SPINT2: variants seen among roughly 807,000 people sequenced by gnomAD.
SPINT2 encodes the protein serine peptidase inhibitor, Kunitz type 2.
A neutral mutation model predicts 30.1 loss-of-function variants in SPINT2; 18 were observed. That is an observed-to-expected ratio of 0.60 (90% CI 0.41 to 0.89). SPINT2 has a LOEUF of 0.89. Ranked by LOEUF, SPINT2 falls within the 40% of genes least tolerant of loss-of-function variation. The pLI, the probability that SPINT2 is intolerant of heterozygous loss-of-function variation, is 0.00. For synonymous variants in SPINT2, 139 were observed against 137.9 expected, an observed-to-expected ratio of 1.01 and a Z score of -0.05; for missense variants, 276 against 334.3, an observed-to-expected ratio of 0.83 and a Z score of 1.36.
In SPINT2 at chr19:38,291,829, C is replaced by G. The variant is rs751326074; in HGVS notation, c.593-11C>G. ...GCCTGGCCCGTCCTGAGGCCCCTCT[C>G]TCGTCCTCAGTGGTGGTTCTGGCGG... On this transcript the variant is annotated splice_polypyrimidine_tract_variant and intron_variant, in intron 6 of 6. Transcript: ENST00000301244. The G allele has an allele frequency of 1.2e-6, 2 of 1,611,980 alleles. No homozygotes were observed. The highest frequency in any genetic ancestry group is 1.7e-6 in the Non-Finnish European group (2 of 1,179,774).
chr19:38,271,586 C>T (rs1386101034), intron 1 of SPINT2, among the ~76,000 whole-genome samples: 2 of 152,050 alleles, frequency 1.3e-5, no homozygotes, highest in East Asian at 3.9e-4. Context: ...GTAATCCCAG[C>T]ACTTTGGGAG....
At position 38,269,856 on chromosome 19, in the gene SPINT2, G is replaced by A. The variant is rs775662948; in HGVS notation, c.106+4858G>A. Among the ~76,000 whole-genome samples the A allele has an allele frequency of 3.7e-4, 57 of 152,220 alleles. 1 individual carries two copies. Among genetic ancestry groups the A allele is most frequent in the Admixed American group, 7.2e-4 (11 of 15,276 alleles). On this transcript the variant is annotated intron_variant, in intron 1 of 6. Transcript: ENST00000301244. ...GATCTCCTGACCTTGTGATCTGCCC[G>A]CCTCGGCCTCCCAAAGTGCTGGGAT... is the stretch of plus-strand genomic sequence containing the variant.
intron 1 of SPINT2, among the ~76,000 whole-genome samples, chr19:38,267,903 A>G (rs1968399497): frequency 2.0e-5 from 3 of 152,146 alleles, no homozygotes. Context: ...GAGGGAGAAC[A>G]GTCCAGAAGC....
intron 1 of SPINT2, among the ~76,000 whole-genome samples, chr19:38,279,108 C>A (rs2146271958): frequency 6.6e-6 from 1 of 151,838 alleles, no homozygotes; most frequent in South Asian, 2.1e-4. Flanking sequence ...ATAGTAAGGA[C>A]ATGGTTAAAT....
rs866571807 is a variant in SPINT2, at chr19:38,286,421, C to T, written c.278-1455C>T. Among the ~76,000 whole-genome samples the T allele has an allele frequency of 7.9e-5, 12 of 152,266 alleles. No homozygotes were observed. In the East Asian group the frequency reaches 1.9e-3, roughly 25 times the overall value. ...TAATAGCATCAGGCTAGGCCAGGCCCGAGGATGCGGAGGAGCCAGGGTTCC... is the reference window on the plus strand; with the variant it reads ...TAATAGCATCAGGCTAGGCCAGGCCTGAGGATGCGGAGGAGCCAGGGTTCC... On this transcript the variant is annotated intron_variant, in intron 2 of 6. Coordinates refer to ENST00000301244, the MANE Select transcript of SPINT2 (RefSeq NM_021102.4).
At chr19:38,271,863 G>A (rs1411032763) in intron 1 of SPINT2, among the ~76,000 whole-genome samples, 4 of 151,824 alleles carry the variant, frequency 2.6e-5, no homozygotes, top group South Asian at 2.1e-4. Flanking sequence ...TTACTCACAC[G>A]TGTTGGAGAT....
At chr19:38,269,770 C>T (rs905934627) in intron 1 of SPINT2, among the ~76,000 whole-genome samples, 3 of 151,782 alleles carry the variant, frequency 2.0e-5, no homozygotes, top group East Asian at 1.9e-4. Context: ...CCGCCACGCC[C>T]GGCTAATTTT....
intron 4 of SPINT2, chr19:38,289,484 CAAAAAAAA>C (rs58140440): frequency 3.1e-3 from 110 of 36,030 alleles, no homozygotes; most frequent in South Asian, 7.9e-3. Flanking sequence ...GACTCTGTCT[CAAAAAAAA>C]AAAAAAAAAA....
intron 3 of SPINT2, chr19:38,288,492 G>T (rs1184353349): frequency 9.4e-6 from 2 of 213,892 alleles, no homozygotes; most frequent in African/African-American, 4.6e-5. Context: ...TCGGGCGCCT[G>T]GGGTGAGTGG....
At chr19:38,280,220 C>T (rs1804716439) in intron 1 of SPINT2, among the ~76,000 whole-genome samples, 1 of 152,146 alleles carries the variant, frequency 6.6e-6, no homozygotes, top group African/African-American at 2.4e-5. Context: ...AAGGAAGCGT[C>T]TCAGGGACAG....
chr19:38,289,779 G>T (rs1968692679), intron 4 of SPINT2: 1 of 384,620 alleles, frequency 2.6e-6, no homozygotes, highest in South Asian at 2.3e-5. Context: ...TCTCGCCAGC[G>T]GCTTGGCTGT....
chr19:38,266,378 A>G (rs1028961151), intron 1 of SPINT2, among the ~76,000 whole-genome samples: 73 of 121,328 alleles, frequency 6.0e-4, no homozygotes, highest in Non-Finnish European at 8.6e-4. Flanking sequence ...CTCCCATCTC[A>G]AAAAAAAAAA....
At chr19:38,274,060 G>A (rs117807559) in intron 1 of SPINT2, among the ~76,000 whole-genome samples, 3,202 of 150,476 alleles carry the variant, frequency 0.021, 43 homozygotes, top group Middle Eastern at 0.051. Context: ...GTGAAACCTC[G>A]TTTCTACAAA....
chr19:38,268,759 G>A (rs1009689641), intron 1 of SPINT2, among the ~76,000 whole-genome samples: 3 of 138,762 alleles, frequency 2.2e-5, no homozygotes, highest in Non-Finnish European at 4.8e-5. Context: ...GAGAGCATGC[G>A]CGCGCGCGTG....
intron 1 of SPINT2, among the ~76,000 whole-genome samples, chr19:38,269,108 T>G (rs536889690): frequency 7.5e-5 from 10 of 134,066 alleles, no homozygotes; most frequent in African/African-American, 1.1e-4. Flanking sequence ...TTTTTTTGGG[T>G]TTTTTTTTGA....
intron 1 of SPINT2, chr19:38,265,330 C>T (rs1968365445): frequency 1.0e-5 from 2 of 199,746 alleles, no homozygotes; most frequent in South Asian, 8.4e-5. Context: ...CTTCTCCTGG[C>T]GGTGGAAAGT....
chr19:38,279,292 A>C (rs770050632), intron 1 of SPINT2, among the ~76,000 whole-genome samples: 6 of 151,684 alleles, frequency 4.0e-5, no homozygotes, highest in Non-Finnish European at 8.8e-5. Flanking sequence ...TGAGGTCAGG[A>C]GTTCGAGACC....
chr19:38,267,274 C>CT (rs922593970), intron 1 of SPINT2, among the ~76,000 whole-genome samples: 9 of 152,098 alleles, frequency 5.9e-5, no homozygotes, highest in East Asian at 1.9e-4. Flanking sequence ...GCAGTTTTGA[C>CT]TTTTTTTTCC....
intron 2 of SPINT2, among the ~76,000 whole-genome samples, chr19:38,284,324 G>A (rs1017425541): frequency 8.6e-5 from 13 of 151,774 alleles, no homozygotes; most frequent in Admixed American, 5.3e-4. Context: ...TGGACTCTTG[G>A]CCTCAAGTGA....
Sources: gnomAD v4.1 joint callset for allele counts (sites outside exome capture counted in the v4.1 genomes callset) on GRCh38, gnomAD v4.1.1 for gene constraint, MANE v1.5 for transcripts, NCBI Gene and HGNC (gene_info 2026-07-23, HGNC 2026-07-21) for gene names.